The following SCAF11 variants were observed in gnomAD, a reference collection of about 807,000 sequenced individuals.
SCAF11 encodes the protein protein SCAF11.
SCAF11 carries 47 observed loss-of-function variants against 140.5 expected under a neutral mutation model. The observed-to-expected ratio is 0.33, with a 90% CI of 0.26 to 0.43. SCAF11 has a LOEUF of 0.43. SCAF11 is among the 20% of genes least tolerant of loss of function. SCAF11 has a pLI of 1.00. For missense variants in SCAF11, 1,645 were observed against 1,705.1 expected (o/e 0.96, Z 0.62); for synonymous variants, 557 against 579.4 (o/e 0.96, Z 0.55).
At position 45,927,814 on chromosome 12, in the gene SCAF11, G is replaced by A. The variant is rs765524257; in HGVS notation, c.1887C>T (p.Ser629=). ...IQTVDRQSVK[S]PEVQLLGHVE... is the part of the protein sequence containing the mutation. ...CATGCCCAAGCAATTGAACCTCTGG[G>A]CTCTTAACAGATTGTCTGTCCACTG... The change falls in exon 11 of 15, where the codon AGC becomes AGT. Residue 629 remains serine, a synonymous_variant. Transcript: ENST00000369367. 6.8e-6 allele frequency: 11 copies of A among 1,613,752 alleles called. No homozygotes were observed. The Admixed American group carries it at 1.8e-4, about 27-fold the overall frequency.
At chr12:45,958,422 A>G (rs148738757) in intron 3 of SCAF11, among the ~76,000 whole-genome samples, 1 of 152,204 alleles carries the variant, frequency 6.6e-6, no homozygotes, top group African/African-American at 2.4e-5. Context: ...AACTGAATAG[A>G]TGATAAGCTT....
rs1462942426 is a variant in SCAF11 at position 45,928,141 on chromosome 12, A to G, written c.1560T>C (p.Gly520=). ...EISENILEKG[G]DPLEKQDQIS... ...TCTGGTCTTGCTTTTCCAATGGATC[A>G]CCTCCTTTTTCAAGAATATTTTCAG... Residue 520 remains glycine (G), a synonymous_variant, in exon 11 of 15, where the codon GGT becomes GGC. Coordinates refer to ENST00000369367, the MANE Select transcript of SCAF11 (RefSeq NM_004719.3). The G allele has an allele frequency of 6.2e-7, 1 of 1,613,902 alleles. No homozygotes were observed.
chr12:45,931,679 T>G (rs1945048416), intron 9 of SCAF11, 67 bp from the exon 10 acceptor site: 1 of 796,116 alleles, frequency 1.3e-6, no homozygotes, highest in African/African-American at 1.9e-5. Context: ...TTTAAAAGTA[T>G]TAATTCTCTA....
In SCAF11 at chr12:45,934,244, A is replaced by C. The variant is rs1416368149; in HGVS notation, c.564T>G (p.Asn188Lys). Residue 188 changes from asparagine (N) to lysine (K), a missense_variant, in exon 8 of 15, where the codon AAT (asparagine) becomes AAG (lysine). Coordinates refer to ENST00000369367, the MANE Select transcript of SCAF11 (RefSeq NM_004719.3). The stretch of plus-strand genomic sequence containing the variant: ...CAGAAGAAAACATATTGGAGAAAAA[A>C]TTTCTGAAGCACTGATTTGTACTCC... ...SNWSTNQCFR[N>K]FFSNMFSSVS... The C allele has an allele frequency of 1.2e-6, 2 of 1,612,128 alleles. No homozygotes were observed. Among genetic ancestry groups the C allele is most frequent in the Admixed American group, 3.3e-5 (2 of 59,902 alleles).
chr12:45,941,065 G>A (rs1945288583), intron 6 of SCAF11, among the ~76,000 whole-genome samples: 1 of 152,156 alleles, frequency 6.6e-6, no homozygotes, highest in African/African-American at 2.4e-5. Context: ...GAACTCAAGA[G>A]TGAGAAAAGA....
intron 10 of SCAF11, among the ~76,000 whole-genome samples, chr12:45,930,375 T>C (rs551055814): frequency 2.4e-4 from 36 of 152,182 alleles, no homozygotes; most frequent in Admixed American, 2.3e-3. Flanking sequence ...TACTGTGATA[T>C]GCAATCTATT....
At chr12:45,942,296 A>C (rs1239927913) in intron 6 of SCAF11, among the ~76,000 whole-genome samples, 1 of 152,170 alleles carries the variant, frequency 6.6e-6, no homozygotes, top group Non-Finnish European at 1.5e-5. Context: ...CATCATCTCC[A>C]CTAATATCTC....
chr12:45,934,036 C>G lies in SCAF11; in HGVS notation c.632+140G>C, dbSNP rs185035418. On this transcript the variant is annotated intron_variant, in intron 8 of 14. Transcript: ENST00000369367. ...GCTAGAGCTAGTTTACCTTCCCCCC[C>G]GCCCAAAAAAAAACTAAAGCAAAAC... 36 of 532,054 alleles carry G rather than the reference C, an allele frequency of 6.8e-5. No individual in the cohort carries two copies. The Admixed American group carries it at 9.3e-4, about 14-fold the overall frequency. The allele number at this position is 532,054 out of a possible 1,614,324, so 33.0% of individuals were successfully genotyped here. A position where few individuals can be genotyped will look rare whatever the true frequency, so the allele number is the denominator to read the frequency against.
chr12:45,936,835 G>C (rs1040486169), intron 6 of SCAF11, among the ~76,000 whole-genome samples: 2 of 152,152 alleles, frequency 1.3e-5, no homozygotes, highest in Admixed American at 6.5e-5. Context: ...GTGGAAAAGG[G>C]TGGGAATTCT....
In SCAF11 at chr12:45,979,300, C is replaced by A. The variant is rs551786575; in HGVS notation, c.-22+11053G>T. On this transcript the variant is annotated intron_variant, in intron 1 of 14. Transcript: ENST00000369367. The stretch of plus-strand genomic sequence containing the variant: ...ACATGAATTTTGGAGAGGGCATAAA[C>A]ATTGAAACCACAGAAAAATCCTAAG... Among the ~76,000 whole-genome samples the A allele has an allele frequency of 6.6e-5, 10 of 151,736 alleles. No individual in the cohort carries two copies. In the South Asian group the frequency reaches 2.1e-3, roughly 32 times the overall value.
At chr12:45,965,287 A>G (rs1205929095) in intron 1 of SCAF11, among the ~76,000 whole-genome samples, 1 of 152,194 alleles carries the variant, frequency 6.6e-6, no homozygotes, top group East Asian at 1.9e-4. Context: ...CTGGCTGTGA[A>G]GTATATTTGA....
chr12:45,986,562 T>C (rs1269218641), intron 1 of SCAF11, among the ~76,000 whole-genome samples: 1 of 152,188 alleles, frequency 6.6e-6, no homozygotes, highest in Non-Finnish European at 1.5e-5. Flanking sequence ...CTTCTGGAAC[T>C]ATAAGAAATT....
At chr12:45,972,943 T>TATATATAGATATATAGATATATATATAG (rs1565689136) in intron 1 of SCAF11, among the ~76,000 whole-genome samples, 15 of 59,182 alleles carry the variant, frequency 2.5e-4, no homozygotes, top group Admixed American at 6.8e-4. Flanking sequence ...TATATAGATA[T>TATATATAGATATATAGATATATATATAG]ATATATAGAT....
chr12:45,922,131 C>T lies in SCAF11; in HGVS notation c.4309G>A (p.Val1437Ile), dbSNP rs1375609024. 3.1e-6 allele frequency: 5 copies of T among 1,613,468 alleles called. No individual in the cohort carries two copies. Among genetic ancestry groups the T allele is most frequent in the Non-Finnish European group, 4.2e-6 (5 of 1,179,800 alleles). The stretch of plus-strand genomic sequence containing the variant: ...TTCCGTGAATATTTGTATTTGTCTA[C>T]ATAGGCTTTAACCAGATTTGCCACT... ...TKVANLVKAY[V>I]DKYKYSRKGS... Residue 1437 changes from valine (V) to isoleucine (I), a missense_variant, in exon 15 of 15, where the codon GTA (valine) becomes ATA (isoleucine). Val to Ile is a conservative substitution (Grantham distance 29). Around this residue, in one of 2 missense-constraint regions of SCAF11, gnomAD observed 63 missense variants for 95.9 expected, o/e 0.66. Coordinates refer to ENST00000369367, the MANE Select transcript of SCAF11 (RefSeq NM_004719.3).
chr12:45,926,463 T>C lies in SCAF11; in HGVS notation c.3238A>G (p.Arg1080Gly). 1 of 1,614,238 alleles carries C rather than the reference T, an allele frequency of 6.2e-7. No individual in the cohort carries two copies. The highest frequency in any genetic ancestry group is 8.5e-7 in the Non-Finnish European group (1 of 1,180,032). ...NRGRGRGNRG[R>G]GTYRSSFAYK... ...GCAAAACTACTTCTGTAAGTGCCTC[T>C]GCCACGGTTGCCTCTGCCTCTACCA... The change falls in exon 11 of 15, where the codon AGA (arginine) becomes GGA (glycine). Residue 1080 changes from arginine (R) to glycine (G), a missense_variant. By Grantham distance (125) the Arg-to-Gly change is moderately radical. This residue lies in a region of SCAF11 where 1,582 missense variants were observed against 1,609.2 expected (regional missense o/e 0.98). Coordinates refer to ENST00000369367, the MANE Select transcript of SCAF11 (RefSeq NM_004719.3).
intron 1 of SCAF11, among the ~76,000 whole-genome samples, chr12:45,984,989 C>T (rs1028730382): frequency 1.3e-5 from 2 of 152,216 alleles, no homozygotes; most frequent in Non-Finnish European, 2.9e-5. Context: ...GCCACCACAC[C>T]CAGCCACTTC....
At chr12:45,940,493 G>C (rs1419050104) in intron 6 of SCAF11, among the ~76,000 whole-genome samples, 3 of 152,188 alleles carry the variant, frequency 2.0e-5, no homozygotes, top group African/African-American at 4.8e-5. Flanking sequence ...ATTGGATATA[G>C]AGTCAGAAGA....
At chr12:45,991,904 AG>A (rs1264677205), upstream of SCAF11, 6 of 1,286,882 alleles carry the variant, frequency 4.7e-6, 1 homozygote, top group Admixed American at 1.4e-4. Flanking sequence ...AGTCGCTTTC[AG>A]CCGCGCGCTC....
intron 6 of SCAF11, among the ~76,000 whole-genome samples, chr12:45,936,570 C>T (rs1468042507): frequency 6.6e-6 from 1 of 152,162 alleles, no homozygotes; most frequent in Non-Finnish European, 1.5e-5. Context: ...TACACTCAAA[C>T]ACAACAACTC....
Sources: allele counts gnomAD v4.1 joint callset (sites outside exome capture counted in the v4.1 genomes callset), GRCh38; gene constraint gnomAD v4.1.1; regional missense constraint gnomAD v4.1.1; transcripts MANE v1.5; gene names NCBI Gene and HGNC (gene_info 2026-07-23, HGNC 2026-07-21).